Variants in ANXA8 observed in about 807,000 individuals in gnomAD.
ANXA8 encodes annexin A8.
ANXA8 carries 9 observed loss-of-function variants against 26.8 expected under a neutral mutation model. That is an observed-to-expected ratio of 0.34 (90% CI 0.20 to 0.59). The LOEUF is 0.59. ANXA8 is among the 20% of genes least tolerant of loss of function. The pLI, the probability that ANXA8 is intolerant of heterozygous loss-of-function variation, is 0.84. For missense variants in ANXA8, 83 were observed against 238.5 expected (o/e 0.35, Z 4.29); for synonymous variants, 39 against 94.8 (o/e 0.41, Z 3.42).
At chr10:47,985,928 T>A in the ANXA8 span, 2 of 149,494 alleles carry the variant, frequency 1.3e-5, no homozygotes, top group Non-Finnish European at 3.0e-5. Flanking sequence ...GTTCATTTTC[T>A]TTTTATTGTC....
chr10:47,503,143 T>A, the ANXA8 span: 22 of 1,610,316 alleles, frequency 1.4e-5, no homozygotes, highest in East Asian at 4.9e-4. Flanking sequence ...GTCAATCTCT[T>A]TTTTATGAAT....
the ANXA8 span, among the ~76,000 whole-genome samples, chr10:47,646,924 G>A: frequency 6.6e-6 from 1 of 152,142 alleles, no homozygotes; most frequent in Admixed American, 6.5e-5. Flanking sequence ...GATTTAGTAT[G>A]TATTTAACAA....
the ANXA8 span, among the ~76,000 whole-genome samples, chr10:47,533,218 C>CAT: frequency 0.029 from 3,141 of 108,932 alleles, 42 homozygotes; most frequent in East Asian, 0.21. Flanking sequence ...CACACACACA[C>CAT]ACACACCCCC....
At chr10:47,749,295 A>G in the ANXA8 span, among the ~76,000 whole-genome samples, 4 of 143,254 alleles carry the variant, frequency 2.8e-5, no homozygotes, top group East Asian at 6.3e-4. Context: ...GCAGATGTGC[A>G]TACACAAAAA....
the ANXA8 span, among the ~76,000 whole-genome samples, chr10:47,763,927 CCAGT>C: frequency 3.9e-5 from 6 of 151,978 alleles, no homozygotes; most frequent in African/African-American, 9.7e-5. Flanking sequence ...GTCCTAGGGG[CCAGT>C]CAGTGTGCGT....
At chr10:47,702,429 C>A in the ANXA8 span, among the ~76,000 whole-genome samples, 5 of 151,222 alleles carry the variant, frequency 3.3e-5, no homozygotes, top group Non-Finnish European at 7.4e-5. Context: ...CAACCTCTGC[C>A]TCCTGGGTTC....
the ANXA8 span, among the ~76,000 whole-genome samples, chr10:47,889,009 TG>T: frequency 9.1e-6 from 1 of 110,156 alleles, no homozygotes; most frequent in South Asian, 2.7e-4. Flanking sequence ...TGTGTGTGTG[TG>T]TGTGTGTATT....
chr10:47,944,985 T>C, the ANXA8 span, among the ~76,000 whole-genome samples: 1 of 149,938 alleles, frequency 6.7e-6, no homozygotes, highest in Non-Finnish European at 1.5e-5. Context: ...GCTCCCAGGA[T>C]TTTGTATCTG....
the ANXA8 span, among the ~76,000 whole-genome samples, chr10:47,735,454 T>G: frequency 1.3e-5 from 2 of 149,074 alleles, no homozygotes; most frequent in South Asian, 4.2e-4. Flanking sequence ...AAAGTAACCC[T>G]TCTGTTATTC....
chr10:47,951,526 T>G, the ANXA8 span, among the ~76,000 whole-genome samples: 2 of 150,544 alleles, frequency 1.3e-5, no homozygotes, highest in African/African-American at 2.5e-5. Context: ...GGAATATACA[T>G]GCAGCTGGGC....
At chr10:47,525,524 G>A in the ANXA8 span, among the ~76,000 whole-genome samples, 5 of 135,052 alleles carry the variant, frequency 3.7e-5, 1 homozygote, top group Admixed American at 7.4e-5. Context: ...CCCCTCCCTC[G>A]ACACATCGGG....
chr10:47,672,331 G>A, the ANXA8 span, among the ~76,000 whole-genome samples: 1 of 151,814 alleles, frequency 6.6e-6, no homozygotes, highest in Admixed American at 6.6e-5. Context: ...GAACGATATA[G>A]CTGGAAAAAG....
At chr10:47,753,181 C>T in the ANXA8 span, 10 of 955,044 alleles carry the variant, frequency 1.0e-5, no homozygotes, top group Non-Finnish European at 1.2e-5. Flanking sequence ...ATGTGCTGTT[C>T]TAGTTACACA....
At chr10:47,556,735 A>C in the ANXA8 span, among the ~76,000 whole-genome samples, 1 of 151,626 alleles carries the variant, frequency 6.6e-6, no homozygotes, top group African/African-American at 2.4e-5. Context: ...ATTTTGACAG[A>C]AATACATACA....
the ANXA8 span, chr10:47,753,251 C>G: frequency 3.2e-6 from 2 of 633,360 alleles, no homozygotes; most frequent in Non-Finnish European, 3.7e-6. Flanking sequence ...CTACCTGTTA[C>G]AGTAACTGTG....
At chr10:47,683,771 C>T in the ANXA8 span, among the ~76,000 whole-genome samples, 18 of 150,994 alleles carry the variant, frequency 1.2e-4, no homozygotes. Context: ...ATTACAATCC[C>T]ATGTGGCTTC....
the ANXA8 span, among the ~76,000 whole-genome samples, chr10:47,653,114 C>T: frequency 2.0e-5 from 3 of 150,670 alleles, no homozygotes; most frequent in Non-Finnish European, 4.4e-5. Flanking sequence ...GAGTTCGAGA[C>T]CAGCCTGGCC....
chr10:47,674,708 C>G, the ANXA8 span, among the ~76,000 whole-genome samples: 1 of 151,726 alleles, frequency 6.6e-6, no homozygotes, highest in East Asian at 1.9e-4. Context: ...TTTGTCTCTT[C>G]TTCCTCATTT....
At chr10:47,469,675 A>G (rs1433974788) in intron 11 of ANXA8, among the ~76,000 whole-genome samples, 2 of 151,384 alleles carry the variant, frequency 1.3e-5, no homozygotes, top group Admixed American at 1.3e-4. Context: ...TTCTTCATGC[A>G]GTTGAGGACA....
Sources: gnomAD v4.1 joint callset for allele counts (sites outside exome capture counted in the v4.1 genomes callset) on GRCh38, gnomAD v4.1.1 for gene constraint, MANE v1.5 for transcripts, NCBI Gene and HGNC (gene_info 2026-07-23, HGNC 2026-07-21) for gene names.